The following ZFHX3 variants were observed in gnomAD, a reference collection of about 807,000 sequenced individuals.
ZFHX3 encodes the protein zinc finger homeobox 3, also known as zinc finger homeobox protein 3.
A neutral mutation model predicts 279.1 loss-of-function variants in ZFHX3; 42 were observed. The observed-to-expected ratio is 0.15, with a 90% CI of 0.12 to 0.19. The LOEUF is 0.19. Among genes scored for constraint, ZFHX3 ranks in the 10% least tolerant of loss-of-function variants. ZFHX3 has a pLI of 1.00. For synonymous variants in ZFHX3, 2,293 were observed against 1,957.8 expected (o/e 1.17, Z -4.52); for missense variants, 4,981 against 4,754.0 (o/e 1.05, Z -1.40).
intron 1 of ZFHX3, among the ~76,000 whole-genome samples, chr16:73,838,643 G>A (rs1240938567): frequency 6.6e-6 from 1 of 152,126 alleles, no homozygotes; most frequent in African/African-American, 2.4e-5. Flanking sequence ...CAACCCCATT[G>A]AAAAAGAGTT....
intron 2 of ZFHX3, among the ~76,000 whole-genome samples, chr16:73,616,218 C>A (rs933202038): frequency 6.6e-6 from 1 of 151,296 alleles, no homozygotes; most frequent in Non-Finnish European, 1.5e-5. Context: ...AGATCTATTT[C>A]TTTATATGGC....
intron 1 of ZFHX3, among the ~76,000 whole-genome samples, chr16:73,835,317 A>G (rs540731666): frequency 1.3e-4 from 20 of 152,154 alleles, no homozygotes; most frequent in African/African-American, 4.8e-4. Flanking sequence ...TTCTAAGCTA[A>G]AGAAGAGTTG....
chr16:73,130,940 G>A, intron 7 of ZFHX3: 2 of 1,300,458 alleles, frequency 1.5e-6, no homozygotes, highest in Non-Finnish European at 2.0e-6. Flanking sequence ...CAAATGGCTA[G>A]GGGCACTATA....
In ZFHX3 at chr16:73,327,743, G is replaced by C. The variant is rs894240901; in HGVS notation, c.-1290-9407C>G. On this transcript the variant is annotated intron_variant, in intron 3 of 17. Coordinates refer to the ZFHX3 transcript ENST00000641206. Reference sequence around the variant, plus strand: ...TCATATGTTGAGTTGCCCTGGAATAGAATCTTTGTGATTGATGACAACTGC... The same window carrying C: ...TCATATGTTGAGTTGCCCTGGAATACAATCTTTGTGATTGATGACAACTGC... Among the ~76,000 whole-genome samples, 3 of 152,356 alleles carry C rather than the reference G, an allele frequency of 2.0e-5. No individual in the cohort carries two copies. In the East Asian group the frequency reaches 5.8e-4, roughly 29 times the overall value.
At chr16:72,857,294 A>T (rs947121586) in intron 4 of ZFHX3, among the ~76,000 whole-genome samples, 20 of 152,372 alleles carry the variant, frequency 1.3e-4, no homozygotes, top group Admixed American at 3.9e-4. Context: ...CCAAATCACA[A>T]GGTAATCAGT....
intron 1 of ZFHX3, among the ~76,000 whole-genome samples, chr16:73,808,082 T>G (rs537685364): frequency 3.9e-5 from 6 of 152,198 alleles, no homozygotes. Context: ...TTAAACTTTC[T>G]ATTAAGGGTG....
chr16:73,874,836 T>C (rs909472473), intron 1 of ZFHX3, among the ~76,000 whole-genome samples: 2 of 152,210 alleles, frequency 1.3e-5, no homozygotes, highest in Non-Finnish European at 2.9e-5. Flanking sequence ...TACAATGATA[T>C]AGATTTCAAA....
At chr16:73,622,764 G>T (rs1023908809) in intron 2 of ZFHX3, among the ~76,000 whole-genome samples, 4 of 152,056 alleles carry the variant, frequency 2.6e-5, no homozygotes, top group Non-Finnish European at 5.9e-5. Flanking sequence ...AGCTCTAAGG[G>T]CACCCTGCAA....
chr16:73,706,626 G>A (rs1351903660), intron 1 of ZFHX3, among the ~76,000 whole-genome samples: 5 of 151,904 alleles, frequency 3.3e-5, no homozygotes, highest in East Asian at 1.9e-4. Context: ...CCACCTATTC[G>A]CCTTCATGCC....
chr16:73,553,957 TGGC>T (rs1345768855), intron 2 of ZFHX3, among the ~76,000 whole-genome samples: 1 of 152,248 alleles, frequency 6.6e-6, no homozygotes, highest in Non-Finnish European at 1.5e-5. Context: ...AAGTGATAAA[TGGC>T]GGCTGCATTT....
chr16:73,460,313 T>G (rs1231162918), intron 2 of ZFHX3, among the ~76,000 whole-genome samples: 1 of 152,250 alleles, frequency 6.6e-6, no homozygotes. Context: ...TCTTTTTTAT[T>G]GCTGAGTAGT....
chr16:73,305,035 C>T (rs941296885), intron 4 of ZFHX3, among the ~76,000 whole-genome samples: 2 of 151,788 alleles, frequency 1.3e-5, no homozygotes, highest in African/African-American at 4.9e-5. Context: ...CCCCCTTGCC[C>T]CAGCAGAATG....
At chr16:73,224,113 A>G (rs963625005) in intron 5 of ZFHX3, among the ~76,000 whole-genome samples, 4 of 152,208 alleles carry the variant, frequency 2.6e-5, no homozygotes, top group Admixed American at 6.5e-5. Flanking sequence ...ACATGTCACT[A>G]TAAATTTGTC....
At chr16:73,823,304 G>T (rs1272191006) in intron 1 of ZFHX3, among the ~76,000 whole-genome samples, 1 of 151,972 alleles carries the variant, frequency 6.6e-6, no homozygotes, top group East Asian at 1.9e-4. Context: ...GGCCAGAGAG[G>T]CCACAGTGGA....
chr16:73,662,222 G>A (rs1420513738), intron 2 of ZFHX3, among the ~76,000 whole-genome samples: 2 of 152,088 alleles, frequency 1.3e-5, no homozygotes, highest in Non-Finnish European at 2.9e-5. Flanking sequence ...TTACTAAATA[G>A]CATTATAACC....
intron 5 of ZFHX3, among the ~76,000 whole-genome samples, chr16:73,239,234 G>C (rs1249150334): frequency 6.6e-6 from 1 of 152,160 alleles, no homozygotes; most frequent in Non-Finnish European, 1.5e-5. Flanking sequence ...GTTTCCCATA[G>C]AGAAAAAAGG....
At chr16:73,176,609 CTTTT>C (rs34772851) in intron 5 of ZFHX3, among the ~76,000 whole-genome samples, 3 of 139,362 alleles carry the variant, frequency 2.2e-5, no homozygotes, top group Non-Finnish European at 3.1e-5. Context: ...TCTTCTTCTC[CTTTT>C]TTTTTTTTTT....
intron 5 of ZFHX3, among the ~76,000 whole-genome samples, chr16:73,237,767 TTTGAAAATAC>T (rs1199963240): frequency 1.3e-5 from 2 of 152,222 alleles, no homozygotes; most frequent in Non-Finnish European, 2.9e-5. Flanking sequence ...TTATGTGCAC[TTTGAAAATAC>T]TTCCTGTATC....
At chr16:73,131,682 C>T (rs928031184) in intron 6 of ZFHX3, among the ~76,000 whole-genome samples, 1 of 152,190 alleles carries the variant, frequency 6.6e-6, no homozygotes, top group Non-Finnish European at 1.5e-5. Context: ...GGGGCCAGTA[C>T]AAGATCTGAT....
Sources: allele counts gnomAD v4.1 joint callset (sites outside exome capture counted in the v4.1 genomes callset), GRCh38; gene constraint gnomAD v4.1.1; transcripts MANE v1.5; gene names NCBI Gene and HGNC (gene_info 2026-07-23, HGNC 2026-07-21).